EDARADD: variants seen among roughly 807,000 people sequenced by gnomAD.
EDARADD encodes ectodysplasin-A receptor-associated adapter protein.
Under a neutral mutation model 25.6 loss-of-function variants are expected in EDARADD, and 20 were observed. That is an observed-to-expected ratio of 0.78 (90% CI 0.55 to 1.14). EDARADD has a LOEUF of 1.14. Among genes scored for constraint, EDARADD ranks in the 50% most tolerant of loss-of-function variants. EDARADD has a pLI of 0.00. For synonymous variants in EDARADD, 86 were observed against 94.4 expected, an observed-to-expected ratio of 0.91 and a Z score of 0.52; for missense variants, 225 against 270.1, an observed-to-expected ratio of 0.83 and a Z score of 1.17.
intron 4 of EDARADD, among the ~76,000 whole-genome samples, chr1:236,464,253 AT>A (rs58086878): frequency 4.5e-4 from 64 of 141,784 alleles, no homozygotes; most frequent in Admixed American, 6.8e-4. Flanking sequence ...TGCAAGTATT[AT>A]TTTTTTTTTT....
intron 3 of EDARADD, among the ~76,000 whole-genome samples, chr1:236,388,422 G>T (rs969275593): frequency 6.6e-6 from 1 of 152,148 alleles, no homozygotes; most frequent in Admixed American, 6.5e-5. Flanking sequence ...TTCCAAGAAA[G>T]TCTTGTTAAT....
At chr1:236,441,128 AAGAAAGCC>A (rs1658385868) in intron 4 of EDARADD, among the ~76,000 whole-genome samples, 1 of 151,894 alleles carries the variant, frequency 6.6e-6, no homozygotes, top group African/African-American at 2.4e-5. Context: ...AACAAATGAT[AAGAAAGCC>A]ATTATTCTTA....
At chr1:236,427,334 T>C in intron 3 of EDARADD, 58 bp from the exon 4 acceptor site, 2 of 1,545,288 alleles carry the variant, frequency 1.3e-6, no homozygotes, top group Non-Finnish European at 1.8e-6. Flanking sequence ...CACCACGGAG[T>C]GTGTGCTTTT....
intron 3 of EDARADD, among the ~76,000 whole-genome samples, chr1:236,379,719 G>A (rs982200520): frequency 6.6e-6 from 1 of 152,092 alleles, no homozygotes; most frequent in Non-Finnish European, 1.5e-5. Context: ...GGTGGAGGCT[G>A]CAGTGAGCCA....
At chr1:236,461,473 T>G (rs1338789913) in intron 4 of EDARADD, among the ~76,000 whole-genome samples, 1 of 152,208 alleles carries the variant, frequency 6.6e-6, no homozygotes, top group Non-Finnish European at 1.5e-5. Flanking sequence ...GTGTGTGGGT[T>G]TGCTTCTGGT....
intron 5 of EDARADD, among the ~76,000 whole-genome samples, chr1:236,479,262 G>C (rs1040790464): frequency 6.6e-5 from 10 of 152,126 alleles, no homozygotes; most frequent in South Asian, 4.1e-4. Flanking sequence ...TCGAGAGGCT[G>C]AGGCAGGAGG....
In EDARADD at chr1:236,395,526, C is replaced by G. The variant is rs1003433288; in HGVS notation, c.61+1021C>G. On this transcript the variant is annotated intron_variant, in intron 1 of 5. Coordinates refer to ENST00000334232, the MANE Select transcript of EDARADD (RefSeq NM_145861.4). The surrounding 1 kb of genome is among the most constrained non-coding windows in gnomAD (Gnocchi z 6.9). ...GCAGAGCCACGGTTTGCTCCAGGCGCGTCGGAACCGCAGGACTTTTCATCC... is the reference window on the plus strand; with the variant it reads ...GCAGAGCCACGGTTTGCTCCAGGCGGGTCGGAACCGCAGGACTTTTCATCC... 64 of 1,535,100 alleles carry G rather than the reference C, an allele frequency of 4.2e-5. No individual in the cohort carries two copies. The highest frequency in any genetic ancestry group is 5.5e-5 in the Non-Finnish European group (63 of 1,145,326).
chr1:236,457,058 C>G (rs1192343947), intron 4 of EDARADD, among the ~76,000 whole-genome samples: 1 of 152,146 alleles, frequency 6.6e-6, no homozygotes, highest in South Asian at 2.1e-4. Context: ...GCCCTCATTT[C>G]AAGGCCTTGA....
At chr1:236,443,900 C>T (rs35750220) in intron 4 of EDARADD, among the ~76,000 whole-genome samples, 12,506 of 152,100 alleles carry the variant, frequency 0.082, 1,211 homozygotes, top group East Asian at 0.5. Context: ...TCATACGCTC[C>T]GGAGAAATCT....
intron 3 of EDARADD, among the ~76,000 whole-genome samples, chr1:236,358,023 C>T (rs936936099): frequency 3.3e-5 from 5 of 152,182 alleles, no homozygotes; most frequent in Admixed American, 2.0e-4. Flanking sequence ...TAGGTGCTGC[C>T]ACCACACCCG....
intron 4 of EDARADD, among the ~76,000 whole-genome samples, chr1:236,447,638 C>G (rs903499049): frequency 6.6e-6 from 1 of 151,966 alleles, no homozygotes; most frequent in African/African-American, 2.4e-5. Flanking sequence ...AGTGGCCACC[C>G]TATGAGTAGC....
In EDARADD at chr1:236,442,129, C is replaced by CT. The variant is rs74899359; in HGVS notation, c.219+14693dup. Among the ~76,000 whole-genome samples, 666 of 143,430 alleles carry CT rather than the reference C, an allele frequency of 4.6e-3. 5 individuals carry two copies. Among genetic ancestry groups the CT allele is most frequent in the South Asian group, 0.018 (81 of 4,474 alleles). 94.1% of individuals were successfully genotyped at this position (143,430 alleles called of 152,430 possible). ...ACGCCATCTAGGACTTTCTTTCTTT[C>CT]TTTTTTTTTTTTTTGAAACCGTGTC... On this transcript the variant is annotated intron_variant, in intron 4 of 5. Coordinates refer to ENST00000334232, the MANE Select transcript of EDARADD (RefSeq NM_145861.4).
chr1:236,348,821 C>T (rs1666881137), exon 2 of EDARADD: 1 of 152,208 alleles, frequency 6.6e-6, no homozygotes, highest in Admixed American at 6.5e-5. Flanking sequence ...ACCTTTTCTC[C>T]AGTCCTTCTC....
At chr1:236,351,992 T>G (rs1011709498) in intron 3 of EDARADD, among the ~76,000 whole-genome samples, 2 of 151,960 alleles carry the variant, frequency 1.3e-5, no homozygotes, top group African/African-American at 4.8e-5. Flanking sequence ...GGGTGTGTGT[T>G]TGGTATGTTA....
At chr1:236,423,950 AC>A (rs1247345731) in intron 3 of EDARADD, among the ~76,000 whole-genome samples, 45 of 152,114 alleles carry the variant, frequency 3.0e-4, no homozygotes, top group African/African-American at 9.2e-4. Context: ...TACTAAAAAT[AC>A]AAAAATTAGC....
At chr1:236,378,819 C>T (rs1025703603) in intron 3 of EDARADD, among the ~76,000 whole-genome samples, 9 of 152,068 alleles carry the variant, frequency 5.9e-5, no homozygotes, top group Non-Finnish European at 1.2e-4. Context: ...CTAAAATGAT[C>T]ATCTTGTGTA....
In EDARADD at chr1:236,482,312, C is replaced by T; in HGVS notation, c.311C>T (p.Ser104Phe). 1.2e-6 allele frequency: 2 copies of T among 1,614,114 alleles called. No individual in the cohort carries two copies. Among genetic ancestry groups the T allele is most frequent in the Non-Finnish European group, 1.7e-6 (2 of 1,180,038 alleles). ...TGCAAAGAAAACTGTACTTGTTCCT[C>T]CTGCTTGCTCCGGGCCCCCACCATA... is the stretch of plus-strand genomic sequence containing the variant. ...NSCKENCTCS[S>F]CLLRAPTISD... Residue 104 changes from serine (S) to phenylalanine (F), a missense_variant, in exon 6 of 6, where the codon TCC (serine) becomes TTC (phenylalanine). Ser to Phe is a radical substitution (Grantham distance 155). Transcript: ENST00000334232.
At chr1:236,482,214 T>C in intron 5 of EDARADD, 53 bp from the exon 6 acceptor site, 2 of 1,604,084 alleles carry the variant, frequency 1.2e-6, no homozygotes, top group Non-Finnish European at 1.7e-6. Flanking sequence ...AAGAAATGAA[T>C]GCATATGTTA....
intron 3 of EDARADD, among the ~76,000 whole-genome samples, chr1:236,358,006 G>A (rs1274214203): frequency 1.3e-5 from 2 of 151,966 alleles, no homozygotes; most frequent in Non-Finnish European, 2.9e-5. Flanking sequence ...CTGAATAACA[G>A]GGATTATAGG....
Sources: allele counts gnomAD v4.1 joint callset (sites outside exome capture counted in the v4.1 genomes callset), GRCh38; gene constraint gnomAD v4.1.1; non-coding constraint Gnocchi (gnomAD v3.1); transcripts MANE v1.5; gene names NCBI Gene and HGNC (gene_info 2026-07-23, HGNC 2026-07-21).